The following GPR137 variants were observed in gnomAD, a reference collection of about 807,000 sequenced individuals.
GPR137 encodes integral membrane protein GPR137.
Under a neutral mutation model 38.9 loss-of-function variants are expected in GPR137, and 20 were observed. That is an observed-to-expected ratio of 0.51 (90% CI 0.36 to 0.75). GPR137 has a LOEUF of 0.75. Among genes scored for constraint, GPR137 ranks in the 30% least tolerant of loss-of-function variants. GPR137 has a pLI of 0.00. For missense variants in GPR137, 456 were observed against 526.4 expected, an observed-to-expected ratio of 0.87 and a Z score of 1.31; for synonymous variants, 226 against 235.8, an observed-to-expected ratio of 0.96 and a Z score of 0.38.
At chr11:64,270,900 GACACACACACACACAC>G (rs71045754), upstream of GPR137, among the ~76,000 whole-genome samples, 2 of 87,654 alleles carry the variant, frequency 2.3e-5, no homozygotes, top group Non-Finnish European at 2.3e-5. Flanking sequence ...TGCCCTGTGA[GACACACACACACACAC>G]ACACACACAC....
In GPR137 at chr11:64,286,777, C is replaced by G; in HGVS notation, c.253C>G (p.Pro85Ala). The G allele has an allele frequency of 5.0e-6, 8 of 1,610,690 alleles. No individual in the cohort carries two copies. The highest frequency in any genetic ancestry group is 6.8e-6 in the Non-Finnish European group (8 of 1,177,812). ...TLFSFYFRDT[P>A]RANRLGPLPF... is the part of the protein sequence containing the mutation. ...CTTCTCCTTCTACTTCCGAGATACT[C>G]CCCGCGCCAACCGCCTGGGGCCCTT... is the stretch of plus-strand genomic sequence containing the variant. Residue 85 changes from proline (P) to alanine (A), a missense_variant, in exon 1 of 7, where the codon CCC becomes GCC. Pro to Ala is a conservative substitution (Grantham distance 27, BLOSUM62 -1). Transcript: ENST00000438980.
upstream of GPR137, chr11:64,285,271 C>T (rs894911262): frequency 1.0e-6 from 1 of 986,170 alleles, no homozygotes; most frequent in Non-Finnish European, 1.2e-6. Context: ...AGGAAAGGAA[C>T]CTCCTCCCTG....
upstream of GPR137, among the ~76,000 whole-genome samples, chr11:64,279,805 T>TA (rs2033320111): frequency 6.8e-6 from 1 of 147,944 alleles, no homozygotes; most frequent in African/African-American, 2.5e-5. Flanking sequence ...TCCCACCCTC[T>TA]AGGGTAGCCT....
chr11:64,280,407 A>G (rs2033382723), upstream of GPR137, among the ~76,000 whole-genome samples: 1 of 145,860 alleles, frequency 6.9e-6, no homozygotes, highest in Admixed American at 6.9e-5. Flanking sequence ...GCTGGAGTGC[A>G]GTGGCACCAT....
upstream of GPR137, chr11:64,284,348 A>C (rs2033699559): frequency 6.2e-7 from 1 of 1,612,888 alleles, no homozygotes; most frequent in African/African-American, 1.3e-5. Context: ...CACTCGGCTC[A>C]AACTCTGGGA....
chr11:64,279,693 G>A (rs574159636), upstream of GPR137, among the ~76,000 whole-genome samples: 2 of 150,786 alleles, frequency 1.3e-5, no homozygotes, highest in Non-Finnish European at 3.0e-5. Context: ...AACCCAGGAG[G>A]TGGAAGTTGC....
chr11:64,288,427 C>G lies in GPR137; in HGVS notation c.871C>G (p.Leu291Val). 6.2e-7 allele frequency: 1 copy of G among 1,613,556 alleles called. No homozygotes were observed. The highest frequency in any genetic ancestry group is 8.5e-7 in the Non-Finnish European group (1 of 1,179,888). Residue 291 changes from leucine (L) to valine (V), a missense_variant, in exon 5 of 7, where the codon CTG (leucine) becomes GTG (valine). By Grantham distance (32) the Leu-to-Val change is conservative. Coordinates refer to ENST00000438980, the MANE Select transcript of GPR137 (RefSeq NM_001170880.2). This position sits in a 1 kb window ranked among gnomAD's most constrained non-coding sequence, Gnocchi z 5.5. ...FVWELLPTTL[L>V]VGFFRVHRPP... is the part of the protein sequence containing the mutation. ...GTGGGAGCTACTGCCCACCACCCTG[C>G]TGGTGGGCTTCTTCCGGGTGCACCG...
upstream of GPR137, among the ~76,000 whole-genome samples, chr11:64,274,261 G>C (rs186403105): frequency 6.6e-6 from 1 of 151,876 alleles, no homozygotes; most frequent in South Asian, 2.1e-4. Context: ...GGTGGCTGGC[G>C]CCTTAGTTCC....
chr11:64,288,390 C>G lies in GPR137; in HGVS notation c.834C>G (p.Leu278=). The part of the protein sequence containing the change: ...LGNKGYLVFG[L]ILFVWELLPT... ...ACAAAGGCTACCTGGTATTTGGCCT[C>G]ATCCTCTTCGTGTGGGAGCTACTGC... Residue 278 remains leucine (L), a synonymous_variant, in exon 5 of 7, where the codon CTC becomes CTG. Transcript: ENST00000438980. This position sits in a 1 kb window ranked among gnomAD's most constrained non-coding sequence, Gnocchi z 5.5. 6.2e-7 allele frequency: 1 copy of G among 1,613,922 alleles called. No homozygotes were observed. The highest frequency in any genetic ancestry group is 8.5e-7 in the Non-Finnish European group (1 of 1,180,014).
At chr11:64,284,303 C>T (rs1272434434), upstream of GPR137, 8 of 1,612,162 alleles carry the variant, frequency 5.0e-6, no homozygotes, top group Non-Finnish European at 6.8e-6. Flanking sequence ...GGCTGGGGCC[C>T]AGGCCCCTCT....
At chr11:64,284,943 G>A (rs899229903), upstream of GPR137, 2 of 1,403,746 alleles carry the variant, frequency 1.4e-6, no homozygotes, top group East Asian at 2.7e-5. Context: ...TTGGAACCTG[G>A]AGACCCACTT....
chr11:64,284,795 G>A, upstream of GPR137: 3 of 1,530,218 alleles, frequency 2.0e-6, no homozygotes, highest in East Asian at 2.5e-5. Context: ...ACCCGGCCCG[G>A]CCCCGCCCCC....
rs756427620 is a variant in GPR137 at position 64,286,830 on chromosome 11, C to T, written c.306C>T (p.Pro102=). The T allele has an allele frequency of 4.4e-6, 7 of 1,596,444 alleles. No individual in the cohort carries two copies. The East Asian group carries it at 6.7e-5, about 15-fold the overall frequency. The change falls in exon 1 of 7, where the codon CCC becomes CCT. Residue 102 remains proline (P), a synonymous_variant. Coordinates refer to ENST00000438980, the MANE Select transcript of GPR137 (RefSeq NM_001170880.2). ...PLPFWLLYCC[P]VCLQFFTLTL... ...CCTTCTGGCTTCTCTACTGCTGCCC[C>T]GTCTGCCTGCAGTTCTTCACCTTGA...
chr11:64,284,528 C>G, upstream of GPR137: 1 of 1,529,026 alleles, frequency 6.5e-7, no homozygotes, highest in Middle Eastern at 1.8e-4. Context: ...CGGGTCTGGC[C>G]TGGCAGGGAG....
At chr11:64,271,835 T>A (rs1181278791), upstream of GPR137, 1 of 1,357,342 alleles carries the variant, frequency 7.4e-7, no homozygotes, top group East Asian at 2.9e-5. Flanking sequence ...GGGGGCGACG[T>A]TAATCTCAGC....
chr11:64,275,635 T>C (rs1255769621), upstream of GPR137: 9 of 152,138 alleles, frequency 5.9e-5, no homozygotes, highest in Non-Finnish European at 1.2e-4. Flanking sequence ...CCTGAGGCCG[T>C]GTGGCTGGGA....
upstream of GPR137, among the ~76,000 whole-genome samples, chr11:64,274,982 G>A (rs1444909933): frequency 4.6e-5 from 4 of 86,950 alleles, no homozygotes; most frequent in African/African-American, 2.4e-4. Flanking sequence ...GACAGAGTGA[G>A]ACTTTGTCTC....
chr11:64,283,930 C>T (rs1267288437), upstream of GPR137, among the ~76,000 whole-genome samples: 1 of 152,194 alleles, frequency 6.6e-6, no homozygotes, highest in Non-Finnish European at 1.5e-5. Flanking sequence ...CCACCACGCC[C>T]GGCAGCAACC....
chr11:64,280,358 A>ATT (rs1168306795), upstream of GPR137, among the ~76,000 whole-genome samples: 1 of 132,316 alleles, frequency 7.6e-6, no homozygotes. Flanking sequence ...AATAATAATA[A>ATT]TTTTTTTTTT....
Sources: gnomAD v4.1 joint callset for allele counts (sites outside exome capture counted in the v4.1 genomes callset) on GRCh38, gnomAD v4.1.1 for gene constraint, Gnocchi (gnomAD v3.1) non-coding constraint, MANE v1.5 for transcripts, NCBI Gene and HGNC (gene_info 2026-07-23, HGNC 2026-07-21) for gene names.